Variants in KCNQ1OT1 observed in about 807,000 individuals in gnomAD.
The protein encoded by KCNQ1OT1 is KCNQ1 antisense RNA 2 (non-protein coding).
At position 2,646,716 on chromosome 11, in the gene KCNQ1OT1, A is replaced by T. The variant is rs550296487; in HGVS notation, n.53279T>A. On this transcript the variant is annotated non_coding_transcript_exon_variant, in exon 1 of 1. Transcript: ENST00000597346. ...ATTTTTGTACTGATGAGGTTTTGCC[A>T]TGTTGCCCAGGACAGTCTCAAACTC... 23 of 398,520 alleles carry T rather than the reference A, an allele frequency of 5.8e-5. 1 individual carries two copies. In the South Asian group the frequency reaches 2.6e-3, roughly 44 times the overall value. The allele number at this position is 398,520 out of a possible 1,614,324, so 24.7% of individuals were successfully genotyped here. A position where few individuals can be genotyped will look rare whatever the true frequency, so the allele number is the denominator to read the frequency against.
chr11:2,620,198 T>C lies in KCNQ1OT1; in HGVS notation n.79797A>G, dbSNP rs899194198. The C allele has an allele frequency of 1.1e-4, 37 of 323,738 alleles. 1 individual carries two copies. The highest frequency in any genetic ancestry group is 9.1e-4 in the East Asian group (19 of 20,870). The allele number at this position is 323,738 out of a possible 1,614,324, so 20.1% of individuals were successfully genotyped here. On this transcript the variant is annotated non_coding_transcript_exon_variant, in exon 1 of 1. Transcript: ENST00000597346. The surrounding 1 kb of genome is among the most constrained non-coding windows in gnomAD (Gnocchi z 4.5). Reference sequence around the variant, plus strand: ...GCTGCAAAGGACGTAAGTTCATTCATGTATATATATATATTTTTTTTTTTT... The same window carrying C: ...GCTGCAAAGGACGTAAGTTCATTCACGTATATATATATATTTTTTTTTTTT...
exon 1 of KCNQ1OT1, chr11:2,646,333 T>C (rs897861418): frequency 7.5e-6 from 3 of 398,516 alleles, no homozygotes; most frequent in African/African-American, 4.1e-5. Context: ...TTTCAATCCA[T>C]GAGCATGGGA....
At position 2,617,457 on chromosome 11, in the gene KCNQ1OT1, A is replaced by T. The variant is rs1371834076; in HGVS notation, n.82538T>A. The T allele has an allele frequency of 2.5e-6, 1 of 398,364 alleles. No homozygotes were observed. Among genetic ancestry groups the T allele is most frequent in the East Asian group, 3.6e-5 (1 of 28,078 alleles). 24.7% of individuals were successfully genotyped at this position (398,364 alleles called of 1,614,324 possible). A position where few individuals can be genotyped will look rare whatever the true frequency, so the allele number is the denominator to read the frequency against. On this transcript the variant is annotated non_coding_transcript_exon_variant, in exon 1 of 1. Coordinates refer to ENST00000597346, the Ensembl canonical transcript of KCNQ1OT1. This position sits in a 1 kb window ranked among gnomAD's most constrained non-coding sequence, Gnocchi z 4.6. ...ATTGTAGACATACACACCACAGTTT[A>T]GTCATCCATCAATGGACACGTAAGT...
chr11:2,656,259 G>A, exon 1 of KCNQ1OT1: 1 of 398,628 alleles, frequency 2.5e-6, no homozygotes, highest in East Asian at 3.6e-5. Flanking sequence ...ATAACCTAGG[G>A]TACTTGAATC....
rs1849899325 is a variant in KCNQ1OT1, at chr11:2,658,861, C to T, written n.41134G>A. On this transcript the variant is annotated non_coding_transcript_exon_variant, in exon 1 of 1. Coordinates refer to ENST00000597346, the Ensembl canonical transcript of KCNQ1OT1. The surrounding 1 kb of genome is among the most constrained non-coding windows in gnomAD (Gnocchi z 4.9). Reference sequence around the variant, plus strand: ...CTAGAAACCTGGCTCCCATTACCTACAGTTCATTTACTTATTTGTGTAACC... The same window carrying T: ...CTAGAAACCTGGCTCCCATTACCTATAGTTCATTTACTTATTTGTGTAACC... The T allele has an allele frequency of 2.5e-6, 1 of 398,448 alleles. No homozygotes were observed. Among genetic ancestry groups the T allele is most frequent in the African/African-American group, 2.1e-5 (1 of 48,616 alleles). The allele number at this position is 398,448 out of a possible 1,614,324, so 24.7% of individuals were successfully genotyped here.
At chr11:2,622,848 C>T (rs968293375) in exon 1 of KCNQ1OT1, 32 of 398,516 alleles carry the variant, frequency 8.0e-5, no homozygotes, top group East Asian at 6.4e-4. Flanking sequence ...CAGAGTGGCA[C>T]GTTTGTTACA....
exon 1 of KCNQ1OT1, chr11:2,640,307 G>A: frequency 2.5e-6 from 1 of 398,206 alleles, no homozygotes. Context: ...ACTCACGCTG[G>A]GAGCTATAGA....
chr11:2,684,721 G>C, exon 1 of KCNQ1OT1: 1 of 398,706 alleles, frequency 2.5e-6, no homozygotes, highest in Non-Finnish European at 4.4e-6. Context: ...GGCCTGGAGA[G>C]AACCCAGGGT....
chr11:2,687,667 G>A lies in KCNQ1OT1; in HGVS notation n.12328C>T, dbSNP rs1388496998. 1 of 398,560 alleles carries A rather than the reference G, an allele frequency of 2.5e-6. No individual in the cohort carries two copies. Among genetic ancestry groups the A allele is most frequent in the Non-Finnish European group, 4.4e-6 (1 of 226,134 alleles). The allele number at this position is 398,560 out of a possible 1,614,324, so 24.7% of individuals were successfully genotyped here. A position where few individuals can be genotyped will look rare whatever the true frequency, so the allele number is the denominator to read the frequency against. ...AATTGGGACCTGTCCTTGCCAGCCA[G>A]GTCTCAGGGAGCTCAGGGTTCAGTG... On this transcript the variant is annotated non_coding_transcript_exon_variant, in exon 1 of 1. Coordinates refer to ENST00000597346, the Ensembl canonical transcript of KCNQ1OT1. The surrounding 1 kb of genome is among the most constrained non-coding windows in gnomAD (Gnocchi z 5.0).
At position 2,673,465 on chromosome 11, in the gene KCNQ1OT1, C is replaced by G. The variant is rs1287029058; in HGVS notation, n.26530G>C. 2 of 398,546 alleles carry G rather than the reference C, an allele frequency of 5.0e-6. No individual in the cohort carries two copies. The highest frequency in any genetic ancestry group is 4.1e-5 in the African/African-American group (2 of 48,630). The allele number at this position is 398,546 out of a possible 1,614,324, so 24.7% of individuals were successfully genotyped here. A position where few individuals can be genotyped will look rare whatever the true frequency, so the allele number is the denominator to read the frequency against. Reference sequence around the variant, plus strand: ...TGTTGGGCCTCCTTGAGCCGGAACACCTGAAAAGCCATACAGACTCCTGCT... The same window carrying G: ...TGTTGGGCCTCCTTGAGCCGGAACAGCTGAAAAGCCATACAGACTCCTGCT... On this transcript the variant is annotated non_coding_transcript_exon_variant, in exon 1 of 1. Transcript: ENST00000597346. The surrounding 1 kb of genome is among the most constrained non-coding windows in gnomAD (Gnocchi z 4.5).
At chr11:2,694,288 A>C (rs1850636568) in exon 1 of KCNQ1OT1, 2 of 398,698 alleles carry the variant, frequency 5.0e-6, no homozygotes, top group African/African-American at 4.1e-5. Flanking sequence ...ACACCATCCC[A>C]GTCCCAAGAG....
In KCNQ1OT1 at chr11:2,682,868, G is replaced by C; in HGVS notation, n.17127C>G. The C allele has an allele frequency of 2.5e-6, 1 of 398,626 alleles. No individual in the cohort carries two copies. The highest frequency in any genetic ancestry group is 4.4e-6 in the Non-Finnish European group (1 of 226,076). 24.7% of individuals were successfully genotyped at this position (398,626 alleles called of 1,614,324 possible). Reference sequence around the variant, plus strand: ...TCTCAGTTTTGTAGACCAGGAAACTGAGGCTTGGGGATAGCAGATGTTCCC... The same window carrying C: ...TCTCAGTTTTGTAGACCAGGAAACTCAGGCTTGGGGATAGCAGATGTTCCC... On this transcript the variant is annotated non_coding_transcript_exon_variant, in exon 1 of 1. Transcript: ENST00000597346. This position sits in a 1 kb window ranked among gnomAD's most constrained non-coding sequence, Gnocchi z 5.8.
At chr11:2,672,344 C>A (rs1030526664) in exon 1 of KCNQ1OT1, 1 of 398,556 alleles carries the variant, frequency 2.5e-6, no homozygotes, top group Non-Finnish European at 4.4e-6. Flanking sequence ...GGTGCAGAAG[C>A]AGTGTGGTGG....
Position 2,613,904 on chromosome 11 carries a change from A to G in KCNQ1OT1, n.86091T>C. On this transcript the variant is annotated non_coding_transcript_exon_variant, in exon 1 of 1. Transcript: ENST00000597346. This position sits in a 1 kb window ranked among gnomAD's most constrained non-coding sequence, Gnocchi z 4.8. ...TGATTATTTTCTCATTTCCCAAAAA[A>G]GTACTATTCTGTATATGCCCTTTTG... The G allele has an allele frequency of 2.5e-6, 1 of 398,600 alleles. No homozygotes were observed. The highest frequency in any genetic ancestry group is 3.6e-5 in the East Asian group (1 of 28,070). The allele number at this position is 398,600 out of a possible 1,614,324, so 24.7% of individuals were successfully genotyped here.
chr11:2,632,836 T>C (rs1424423215), exon 1 of KCNQ1OT1: 1 of 398,470 alleles, frequency 2.5e-6, no homozygotes, highest in Non-Finnish European at 4.4e-6. Context: ...AGATTTAAGT[T>C]GATTCCATAT....
At chr11:2,618,996 A>G (rs1589984928) in exon 1 of KCNQ1OT1, 1 of 398,238 alleles carries the variant, frequency 2.5e-6, no homozygotes, top group South Asian at 1.3e-4. Flanking sequence ...TGTGTATAGA[A>G]ATGCAACTAC....
exon 1 of KCNQ1OT1, chr11:2,681,401 G>A (rs1320373383): frequency 2.5e-6 from 1 of 398,480 alleles, no homozygotes; most frequent in East Asian, 3.6e-5. Flanking sequence ...GGTGACTAAA[G>A]GCAAAGAATG....
rs1850324891 is a variant in KCNQ1OT1 at position 2,678,090 on chromosome 11, T to G, written n.21905A>C. ...TGTAAAATACCTTGTCTTACTGATT[T>G]GTAGAAACTTGCTTTGTCATATTCA... On this transcript the variant is annotated non_coding_transcript_exon_variant, in exon 1 of 1. Transcript: ENST00000597346. This position sits in a 1 kb window ranked among gnomAD's most constrained non-coding sequence, Gnocchi z 4.9. 1 of 398,352 alleles carries G rather than the reference T, an allele frequency of 2.5e-6. No individual in the cohort carries two copies. The highest frequency in any genetic ancestry group is 4.4e-6 in the Non-Finnish European group (1 of 225,982). The allele number at this position is 398,352 out of a possible 1,614,324, so 24.7% of individuals were successfully genotyped here.
chr11:2,649,221 A>T, exon 1 of KCNQ1OT1: 1 of 398,276 alleles, frequency 2.5e-6, no homozygotes. Context: ...CAAGATTGTT[A>T]TCAATAGGTG....
Sources: allele counts gnomAD v4.1 joint callset, GRCh38; gene constraint gnomAD v4.1.1; non-coding constraint Gnocchi (gnomAD v3.1); transcripts MANE v1.5; gene names NCBI Gene and HGNC (gene_info 2026-07-23, HGNC 2026-07-21).